Variants in THADA observed in about 807,000 individuals in gnomAD.
The protein encoded by THADA is THADA armadillo repeat containing.
In THADA, 213 loss-of-function variants were observed where a neutral mutation model predicts 219.8. The observed-to-expected ratio is 0.97, with a 90% CI of 0.87 to 1.09. THADA has a LOEUF of 1.09. Among genes scored for constraint, THADA ranks in the 50% least tolerant of loss-of-function variants. THADA has a pLI of 0.00. For missense variants in THADA, 2,956 were observed against 2,311.3 expected, an observed-to-expected ratio of 1.28 and a Z score of -5.72; for synonymous variants, 1,018 against 828.9, an observed-to-expected ratio of 1.23 and a Z score of -3.92.
intron 29 of THADA, among the ~76,000 whole-genome samples, chr2:43,388,948 C>G (rs1023337516): frequency 1.3e-5 from 2 of 152,158 alleles, no homozygotes; most frequent in South Asian, 4.2e-4. Flanking sequence ...CCTCACCCCC[C>G]GCCCGTAGCA....
At chr2:43,380,719 G>T (rs1671908401) in intron 29 of THADA, among the ~76,000 whole-genome samples, 2 of 152,170 alleles carry the variant, frequency 1.3e-5, no homozygotes, top group Admixed American at 6.5e-5. Context: ...TCCAATAAAA[G>T]AAACCAGGTC....
At chr2:43,263,774 T>C (rs1346803916) in intron 36 of THADA, among the ~76,000 whole-genome samples, 1 of 152,224 alleles carries the variant, frequency 6.6e-6, no homozygotes. Flanking sequence ...GTGCAGGAAG[T>C]GCAGGTTTGT....
At chr2:43,303,259 G>C (rs1426420295) in intron 31 of THADA, among the ~76,000 whole-genome samples, 4 of 152,154 alleles carry the variant, frequency 2.6e-5, no homozygotes, top group Non-Finnish European at 5.9e-5. Context: ...AGCAGTGTTT[G>C]GTTCTTTGGT....
intron 26 of THADA, among the ~76,000 whole-genome samples, chr2:43,483,949 C>T (rs1236234183): frequency 6.6e-6 from 1 of 151,800 alleles, no homozygotes; most frequent in Admixed American, 6.6e-5. Flanking sequence ...GAATTATTAA[C>T]AAAATAGACA....
At chr2:43,402,607 G>A (rs1270619186) in intron 28 of THADA, among the ~76,000 whole-genome samples, 2 of 152,122 alleles carry the variant, frequency 1.3e-5, no homozygotes, top group African/African-American at 2.4e-5. Context: ...AACTGTCTCT[G>A]CCCACACACA....
At chr2:43,508,524 T>C (rs1162644818) in intron 23 of THADA, 124 bp downstream of exon 23, 2 of 926,770 alleles carry the variant, frequency 2.2e-6, no homozygotes, top group East Asian at 2.8e-5. Context: ...ACAAATGCTA[T>C]GGTGCTGAAA....
At chr2:43,571,275 C>T (rs369338248) in intron 13 of THADA, among the ~76,000 whole-genome samples, 11 of 145,980 alleles carry the variant, frequency 7.5e-5, no homozygotes, top group African/African-American at 2.8e-4. Flanking sequence ...TTTTGGAGAC[C>T]GAGTCTCACT....
At chr2:43,566,208 G>T in intron 15 of THADA, 1 of 431,014 alleles carries the variant, frequency 2.3e-6, no homozygotes, top group Non-Finnish European at 4.1e-6. Flanking sequence ...AAAACAAAGG[G>T]TATTATTAAA....
chr2:43,526,570 T>C lies in THADA; in HGVS notation c.3374+1309A>G, dbSNP rs1693193907. On this transcript the variant is annotated intron_variant, in intron 22 of 37. Coordinates refer to ENST00000405975, the MANE Select transcript of THADA (RefSeq NM_022065.5). Reference sequence around the variant, plus strand: ...CTCTCTGCTATTCCTATATGTTTTATAAATTTCACCCAAAATTTGGCAGTT... The same window carrying C: ...CTCTCTGCTATTCCTATATGTTTTACAAATTTCACCCAAAATTTGGCAGTT... Among the ~76,000 whole-genome samples, 3 of 152,200 alleles carry C rather than the reference T, an allele frequency of 2.0e-5. No individual in the cohort carries two copies. In the South Asian group the frequency reaches 6.2e-4, roughly 32 times the overall value.
intron 29 of THADA, among the ~76,000 whole-genome samples, chr2:43,346,975 A>G (rs983234487): frequency 1.3e-5 from 2 of 152,202 alleles, no homozygotes; most frequent in Non-Finnish European, 2.9e-5. Flanking sequence ...CCTTTAGGAC[A>G]CATTCCCTTG....
chr2:43,482,749 T>G (rs571666222), intron 26 of THADA, among the ~76,000 whole-genome samples: 1 of 152,278 alleles, frequency 6.6e-6, no homozygotes, highest in South Asian at 2.1e-4. Flanking sequence ...AAGCACGGTC[T>G]TAAGAGCAAG....
intron 21 of THADA, among the ~76,000 whole-genome samples, chr2:43,537,116 T>C (rs1169117497): frequency 2.0e-5 from 3 of 152,234 alleles, no homozygotes; most frequent in Admixed American, 2.0e-4. Flanking sequence ...TACAGTGATT[T>C]GTTACTAACT....
intron 29 of THADA, among the ~76,000 whole-genome samples, chr2:43,368,422 G>A (rs1225856064): frequency 1.3e-5 from 2 of 151,972 alleles, no homozygotes; most frequent in Non-Finnish European, 2.9e-5. Flanking sequence ...TTTGAAAGAG[G>A]GTCTTGCTCT....
At chr2:43,443,954 A>G (rs1324203022) in intron 26 of THADA, among the ~76,000 whole-genome samples, 1 of 145,392 alleles carries the variant, frequency 6.9e-6, no homozygotes, top group Non-Finnish European at 1.5e-5. Context: ...TAGACTCCAC[A>G]GAGCCCACAG....
intron 29 of THADA, among the ~76,000 whole-genome samples, chr2:43,374,019 C>T (rs1671093322): frequency 6.6e-6 from 1 of 152,170 alleles, no homozygotes. Context: ...GCAACACAAT[C>T]TCAATCAAAA....
chr2:43,520,436 C>G (rs1271850510), intron 22 of THADA, among the ~76,000 whole-genome samples: 1 of 151,966 alleles, frequency 6.6e-6, no homozygotes, highest in Non-Finnish European at 1.5e-5. Flanking sequence ...GCTTGTAATC[C>G]CAACACTTTG....
intron 22 of THADA, among the ~76,000 whole-genome samples, chr2:43,520,702 G>GTA (rs377737093): frequency 7.2e-4 from 98 of 136,602 alleles, no homozygotes; most frequent in African/African-American, 1.0e-3. Context: ...ATATTTATAC[G>GTA]TATATATATA....
rs761681098 is a variant in THADA, at chr2:43,590,809, T to A, written c.302+15A>T. 5.5e-5 allele frequency: 88 copies of A among 1,602,424 alleles called. No homozygotes were observed. Among genetic ancestry groups the A allele is most frequent in the Non-Finnish European group, 7.1e-5 (84 of 1,175,734 alleles). On this transcript the variant is annotated intron_variant, in intron 4 of 37. Transcript: ENST00000405975. ...AACATTTATAACACCCAACTTCCCT[T>A]CCTTTTTTTCTTACCTTGCCAATAC...
intron 22 of THADA, among the ~76,000 whole-genome samples, chr2:43,522,974 G>A (rs977531307): frequency 1.3e-4 from 19 of 151,852 alleles, no homozygotes; most frequent in Non-Finnish European, 2.1e-4. Flanking sequence ...TCATCTCTTA[G>A]TTATTCTTTA....
Sources: gnomAD v4.1 joint callset for allele counts (sites outside exome capture counted in the v4.1 genomes callset) on GRCh38, gnomAD v4.1.1 for gene constraint, MANE v1.5 for transcripts, NCBI Gene and HGNC (gene_info 2026-07-23, HGNC 2026-07-21) for gene names.